PLCH1: variants seen among roughly 807,000 people sequenced by gnomAD.
PLCH1 encodes 1-phosphatidylinositol 4,5-bisphosphate phosphodiesterase eta-1.
PLCH1 carries 60 observed loss-of-function variants against 126.7 expected under a neutral mutation model. The observed-to-expected ratio is 0.47, with a 90% CI of 0.38 to 0.59. The LOEUF is 0.59. PLCH1 is among the 20% of genes least tolerant of loss of function. The pLI is 0.00. For missense variants in PLCH1, 1,723 were observed against 2,040.0 expected, an observed-to-expected ratio of 0.84 and a Z score of 2.99; for synonymous variants, 719 against 734.9, an observed-to-expected ratio of 0.98 and a Z score of 0.35.
chr3:155,484,810 G>A (rs1714771796), intron 22 of PLCH1, among the ~76,000 whole-genome samples: 1 of 152,122 alleles, frequency 6.6e-6, no homozygotes, highest in Non-Finnish European at 1.5e-5. Flanking sequence ...GAAGCTGCAG[G>A]CACACCTCTA....
chr3:155,565,054 G>T lies in PLCH1; in HGVS notation c.930C>A (p.Tyr310Ter). 1 of 1,613,424 alleles carries T rather than the reference G, an allele frequency of 6.2e-7. No homozygotes were observed. Among genetic ancestry groups the T allele is most frequent in the Non-Finnish European group, 8.5e-7 (1 of 1,179,380 alleles). Reference sequence around the variant, plus strand: ...TGCAGAGGGGCTGATCCATGTCTTGGTACACTTCATGGTGCAATGGGTTAA... The same window carrying T: ...TGCAGAGGGGCTGATCCATGTCTTGTTACACTTCATGGTGCAATGGGTTAA... The part of the protein sequence containing the change: ...DIFNPLHHEV[Y>*]QDMDQPLCNY... The change falls in exon 8 of 23, where the codon TAC becomes TAA. Residue 310 changes from tyrosine (Y) to a stop codon, truncating the protein, a stop_gained. Coordinates refer to ENST00000460012, the MANE Select transcript of PLCH1 (RefSeq NM_014996.4). LOFTEE classifies it high-confidence loss of function.
At chr3:155,525,156 T>C (rs1414179604) in intron 10 of PLCH1, among the ~76,000 whole-genome samples, 1 of 152,158 alleles carries the variant, frequency 6.6e-6, no homozygotes, top group Non-Finnish European at 1.5e-5. Context: ...CCCATTTCTA[T>C]TTTTATTAAA....
chr3:155,489,841 T>A (rs1175579198), intron 19 of PLCH1, among the ~76,000 whole-genome samples: 1 of 152,168 alleles, frequency 6.6e-6, no homozygotes, highest in African/African-American at 2.4e-5. Flanking sequence ...TATCAACCAC[T>A]TAACCCTATC....
intron 1 of PLCH1, chr3:155,743,604 C>G (rs981719905): frequency 4.5e-6 from 2 of 440,990 alleles, no homozygotes; most frequent in Non-Finnish European, 9.0e-6. Flanking sequence ...TTGAAGCATT[C>G]TCTGCAGAAG....
chr3:155,669,387 T>C lies in PLCH1; in HGVS notation c.79+34759A>G, dbSNP rs545746100. Among the ~76,000 whole-genome samples the C allele has an allele frequency of 5.9e-5, 9 of 152,198 alleles. No homozygotes were observed. The South Asian group carries it at 1.9e-3, about 32-fold the overall frequency. On this transcript the variant is annotated intron_variant, in intron 2 of 22. Coordinates refer to ENST00000460012, the MANE Select transcript of PLCH1 (RefSeq NM_014996.4). ...TCAAGCCAGGAGTTCAAAACCAGCA[T>C]GGGCAACATACTGAGACCCCATCTC...
At chr3:155,527,634 AG>A in intron 10 of PLCH1, among the ~76,000 whole-genome samples, 1 of 152,250 alleles carries the variant, frequency 6.6e-6, no homozygotes, top group South Asian at 2.1e-4. Flanking sequence ...AGTTGGGGCC[AG>A]CTGGGCATGG....
chr3:155,457,271 T>G (rs1712471898), intron 21 of PLCH1: 1 of 151,964 alleles, frequency 6.6e-6, no homozygotes, highest in Admixed American at 6.6e-5. Flanking sequence ...TGCCCTAGAG[T>G]TCTAGCAGGC....
At chr3:155,609,815 G>T (rs1321017660) in intron 2 of PLCH1, among the ~76,000 whole-genome samples, 2 of 151,696 alleles carry the variant, frequency 1.3e-5, no homozygotes, top group African/African-American at 2.4e-5. Flanking sequence ...AAAGACAAGG[G>T]TTTTAAATTA....
At chr3:155,557,038 T>C (rs914014263) in intron 8 of PLCH1, among the ~76,000 whole-genome samples, 7 of 152,174 alleles carry the variant, frequency 4.6e-5, no homozygotes, top group African/African-American at 1.7e-4. Context: ...ACAGGAATGC[T>C]AAAAACAATG....
chr3:155,484,720 A>G (rs1172989769), intron 22 of PLCH1, among the ~76,000 whole-genome samples: 3 of 152,156 alleles, frequency 2.0e-5, no homozygotes, highest in Non-Finnish European at 4.4e-5. Flanking sequence ...AGCTCCTGAT[A>G]TGAGTCAATG....
chr3:155,608,767 C>T (rs1734699348), intron 2 of PLCH1, among the ~76,000 whole-genome samples: 1 of 152,116 alleles, frequency 6.6e-6, no homozygotes, highest in Admixed American at 6.6e-5. Flanking sequence ...CTGTGCCTGC[C>T]CAGGTAGCTG....
intron 2 of PLCH1, among the ~76,000 whole-genome samples, chr3:155,630,312 G>A (rs955180341): frequency 2.0e-5 from 3 of 152,204 alleles, no homozygotes; most frequent in African/African-American, 7.2e-5. Context: ...ATCTGATGAA[G>A]AGCCAACACA....
At chr3:155,508,757 A>T (rs1472187159) in intron 12 of PLCH1, among the ~76,000 whole-genome samples, 1 of 93,410 alleles carries the variant, frequency 1.1e-5, no homozygotes, top group African/African-American at 5.1e-5. Context: ...TCGGTTTGCC[A>T]GTATTTTATT....
Position 155,694,976 on chromosome 3 carries a change from A to T in PLCH1, c.79+9170T>A, listed in dbSNP as rs150078474. Among the ~76,000 whole-genome samples, 853 of 123,064 alleles carry T rather than the reference A, an allele frequency of 6.9e-3. 9 individuals carry two copies. The highest frequency in any genetic ancestry group is 0.011 in the Non-Finnish European group (650 of 61,424). The allele number at this position is 123,064 out of a possible 152,430, so 80.7% of individuals were successfully genotyped here. Reference sequence around the variant, plus strand: ...GCTTTTTTTTTTTTTTTTTTAATGCAGGTCTATTCTGTGCTCTCTGCAGTA... The same window carrying T: ...GCTTTTTTTTTTTTTTTTTTAATGCTGGTCTATTCTGTGCTCTCTGCAGTA... On this transcript the variant is annotated intron_variant, in intron 2 of 22. Transcript: ENST00000460012.
At chr3:155,551,287 A>T (rs1481520672) in intron 9 of PLCH1, among the ~76,000 whole-genome samples, 2 of 151,940 alleles carry the variant, frequency 1.3e-5, no homozygotes, top group East Asian at 3.9e-4. Context: ...TCTACTAAAA[A>T]TACAAAAATT....
In PLCH1 at chr3:155,482,581, A is replaced by T. The variant is rs1290296555; in HGVS notation, c.3445T>A (p.Ser1149Thr). Residue 1149 changes from serine to threonine, a missense_variant, in exon 23 of 23, where the codon TCC (serine) becomes ACC (threonine). Coordinates refer to ENST00000460012, the MANE Select transcript of PLCH1 (RefSeq NM_014996.4). The part of the protein sequence containing the change: ...AATSFSLSDV[S>T]MLCSDIPDLH... ...TCAGGTATGTCAGAACAGAGCATGG[A>T]GACGTCTGACAAAGAAAAGGATGTT... 3.1e-6 allele frequency: 5 copies of T among 1,614,178 alleles called. No individual in the cohort carries two copies. Among genetic ancestry groups the T allele is most frequent in the Non-Finnish European group, 3.4e-6 (4 of 1,180,000 alleles).
At chr3:155,472,323 T>C (rs1713299620) in intron 21 of PLCH1, among the ~76,000 whole-genome samples, 1 of 151,930 alleles carries the variant, frequency 6.6e-6, no homozygotes, top group East Asian at 1.9e-4. Flanking sequence ...AACTAGAAAA[T>C]CTAGAAGACA....
intron 2 of PLCH1, among the ~76,000 whole-genome samples, chr3:155,703,144 G>A (rs1389619492): frequency 2.0e-5 from 3 of 152,136 alleles, no homozygotes; most frequent in Admixed American, 6.5e-5. Flanking sequence ...TATAATGAAC[G>A]TTGAAAAAAC....
intron 10 of PLCH1, among the ~76,000 whole-genome samples, chr3:155,542,088 C>T (rs911542149): frequency 1.3e-5 from 2 of 152,200 alleles, no homozygotes; most frequent in African/African-American, 2.4e-5. Context: ...AAGGCATTGC[C>T]TCAATCGGGA....
Sources: allele counts gnomAD v4.1 joint callset (sites outside exome capture counted in the v4.1 genomes callset), GRCh38; gene constraint gnomAD v4.1.1; transcripts MANE v1.5; gene names NCBI Gene and HGNC (gene_info 2026-07-23, HGNC 2026-07-21).